Variants in DAB1 observed in about 807,000 individuals in gnomAD.
DAB1 encodes disabled homolog 1.
A neutral mutation model predicts 64.6 loss-of-function variants in DAB1; 15 were observed. The ratio of observed to expected loss-of-function variants is 0.23; its 90% CI spans 0.16 to 0.36. The LOEUF (loss-of-function observed/expected upper bound fraction) is 0.36. Among genes scored for constraint, DAB1 ranks in the 10% least tolerant of loss-of-function variants. DAB1 has a pLI of 1.00. For missense variants in DAB1, 596 were observed against 706.7 expected, an observed-to-expected ratio of 0.84 and a Z score of 1.78; for synonymous variants, 235 against 251.9, an observed-to-expected ratio of 0.93 and a Z score of 0.64.
intron 6 of DAB1, among the ~76,000 whole-genome samples, chr1:57,806,469 C>A (rs1453331272): frequency 6.6e-6 from 1 of 152,150 alleles, no homozygotes; most frequent in Admixed American, 6.5e-5. Flanking sequence ...GGTGATTTGT[C>A]TTCAAACCAA....
chr1:58,444,282 T>C (rs1645042170), intron 3 of DAB1, among the ~76,000 whole-genome samples: 1 of 152,252 alleles, frequency 6.6e-6, no homozygotes, highest in Non-Finnish European at 1.5e-5. Flanking sequence ...GGGCTTACTA[T>C]GTGCCAAACT....
At chr1:57,570,714 T>C (rs1645184563) in intron 7 of DAB1, among the ~76,000 whole-genome samples, 1 of 152,146 alleles carries the variant, frequency 6.6e-6, no homozygotes, top group Non-Finnish European at 1.5e-5. Context: ...ACTAGGATTA[T>C]TTTTTATAGT....
rs76561778 is a variant in DAB1 at position 57,106,690 on chromosome 1, C to G, written c.306+29853G>C. Among the ~76,000 whole-genome samples the G allele has an allele frequency of 6.6e-4, 101 of 152,234 alleles. 1 individual carries two copies. In the East Asian group the frequency reaches 0.018, roughly 28 times the overall value. On this transcript the variant is annotated intron_variant, in intron 4 of 14. Transcript: ENST00000371236. ...TTTGATCCAACCGTAGGAAAAGGTA[C>G]AGCTATTTAAAGACACAACATTGAT...
intron 5 of DAB1, among the ~76,000 whole-genome samples, chr1:58,075,559 C>A (rs1156572295): frequency 6.6e-6 from 1 of 152,170 alleles, no homozygotes; most frequent in Non-Finnish European, 1.5e-5. Flanking sequence ...AGGAGCAAAA[C>A]CTGTGTAGTA....
intron 1 of DAB1, among the ~76,000 whole-genome samples, chr1:57,877,285 TTAAGA>T (rs1251405485): frequency 1.1e-4 from 16 of 152,124 alleles, no homozygotes; most frequent in African/African-American, 3.9e-4. Context: ...CCAACTAAAG[TTAAGA>T]TTTGTACCCT....
At chr1:57,691,761 T>C (rs1646767289) in intron 6 of DAB1, among the ~76,000 whole-genome samples, 2 of 152,114 alleles carry the variant, frequency 1.3e-5, no homozygotes, top group South Asian at 4.1e-4. Context: ...CTGGAAGGAA[T>C]AAATTCCAGA....
chr1:58,033,811 G>C (rs908540722), intron 5 of DAB1, among the ~76,000 whole-genome samples: 1 of 152,114 alleles, frequency 6.6e-6, no homozygotes, highest in African/African-American at 2.4e-5. Context: ...TCTACACTTA[G>C]AATCATCTTT....
intron 6 of DAB1, 187 bp from the exon 7 acceptor site, chr1:57,071,248 T>C: frequency 1.5e-6 from 1 of 662,454 alleles, no homozygotes. Flanking sequence ...CCACCCGCAC[T>C]GTTAACAACA....
intron 3 of DAB1, among the ~76,000 whole-genome samples, chr1:58,400,887 A>G (rs1046063280): frequency 6.6e-6 from 1 of 152,228 alleles, no homozygotes; most frequent in African/African-American, 2.4e-5. Flanking sequence ...AAAATTTAAA[A>G]TGAAGATGGA....
chr1:57,065,343 G>A (rs1049278153), intron 8 of DAB1, among the ~76,000 whole-genome samples: 1 of 152,050 alleles, frequency 6.6e-6, no homozygotes, highest in African/African-American at 2.4e-5. Flanking sequence ...GCGTTCCCTG[G>A]GACAGTGATG....
intron 1 of DAB1, among the ~76,000 whole-genome samples, chr1:57,389,272 T>C (rs17458730): frequency 0.43 from 65,452 of 152,042 alleles, 14,852 homozygotes; most frequent in African/African-American, 0.54. Context: ...AAAAGCAAAT[T>C]TGATCAATTA....
At chr1:57,957,360 G>A (rs1409424256) in intron 5 of DAB1, among the ~76,000 whole-genome samples, 1 of 152,198 alleles carries the variant, frequency 6.6e-6, no homozygotes, top group African/African-American at 2.4e-5. Flanking sequence ...CTAAGCAATG[G>A]AAGGATAAAG....
At chr1:57,688,793 C>T (rs182587853) in intron 6 of DAB1, among the ~76,000 whole-genome samples, 6 of 152,216 alleles carry the variant, frequency 3.9e-5, no homozygotes, top group Middle Eastern at 3.4e-3. Flanking sequence ...TGACCCTGTT[C>T]CTAAGTGAAT....
intron 7 of DAB1, among the ~76,000 whole-genome samples, chr1:57,496,274 G>C (rs4620568): frequency 0.57 from 86,042 of 151,952 alleles, 27,025 homozygotes; most frequent in East Asian, 0.72. Flanking sequence ...GTTCTAGTGA[G>C]GAGTTTTCAA....
chr1:58,201,905 G>T (rs904416644), intron 4 of DAB1, among the ~76,000 whole-genome samples: 1 of 152,132 alleles, frequency 6.6e-6, no homozygotes, highest in African/African-American at 2.4e-5. Context: ...CTGATAGGTA[G>T]CAGAGTATGG....
At chr1:57,561,269 T>C (rs1421333536) in intron 7 of DAB1, among the ~76,000 whole-genome samples, 1 of 152,166 alleles carries the variant, frequency 6.6e-6, no homozygotes, top group African/African-American at 2.4e-5. Flanking sequence ...TGGACAGCTG[T>C]AGCACTACAG....
At position 58,397,787 on chromosome 1, in the gene DAB1, A is replaced by T. The variant is rs115516204; in HGVS notation, n.258-54384T>A. Among the ~76,000 whole-genome samples the T allele has an allele frequency of 7.4e-3, 1,126 of 152,222 alleles. 19 individuals carry two copies. Among genetic ancestry groups the T allele is most frequent in the African/African-American group, 0.026 (1,087 of 41,518 alleles). On this transcript the variant is annotated intron_variant and non_coding_transcript_variant, in intron 3 of 20. Coordinates refer to the DAB1 transcript ENST00000485760. Reference sequence around the variant, plus strand: ...TCAAAGTATTCACCACGTCCTGTGGATTTGATCTCCTTAACATGTCTTAGT... The same window carrying T: ...TCAAAGTATTCACCACGTCCTGTGGTTTTGATCTCCTTAACATGTCTTAGT...
intron 4 of DAB1, among the ~76,000 whole-genome samples, chr1:58,206,442 T>C (rs1346727330): frequency 6.6e-6 from 1 of 152,222 alleles, no homozygotes; most frequent in Non-Finnish European, 1.5e-5. Context: ...GGAGGCAGGT[T>C]TGCCCTAAGC....
intron 1 of DAB1, among the ~76,000 whole-genome samples, chr1:57,292,957 T>C (rs1190699709): frequency 6.6e-6 from 1 of 152,108 alleles, no homozygotes; most frequent in Non-Finnish European, 1.5e-5. Flanking sequence ...CTCTGTGAGA[T>C]GTTGAAAAGC....
Sources: allele counts gnomAD v4.1 joint callset (sites outside exome capture counted in the v4.1 genomes callset), GRCh38; gene constraint gnomAD v4.1.1; transcripts MANE v1.5; gene names NCBI Gene and HGNC (gene_info 2026-07-23, HGNC 2026-07-21).